RYR2: variants seen among roughly 807,000 people sequenced by gnomAD.
RYR2 encodes the protein ryanodine receptor 2.
A neutral mutation model predicts 601.1 loss-of-function variants in RYR2; 227 were observed. The ratio of observed to expected loss-of-function variants is 0.38; its 90% CI spans 0.34 to 0.42. RYR2 has a LOEUF of 0.42. RYR2 is among the 10% of genes least tolerant of loss of function. RYR2 has a pLI of 1.00. For synonymous variants in RYR2, 2,223 were observed against 2,175.1 expected, an observed-to-expected ratio of 1.02 and a Z score of -0.61; for missense variants, 4,646 against 6,156.5, an observed-to-expected ratio of 0.75 and a Z score of 8.21.
chr1:237,186,307 TTA>T (rs1679330466), intron 1 of RYR2, among the ~76,000 whole-genome samples: 1 of 152,154 alleles, frequency 6.6e-6, no homozygotes, highest in Non-Finnish European at 1.5e-5. Flanking sequence ...GGCGTGATGG[TTA>T]TGTTTGCCTC....
chr1:237,264,246 C>T (rs766271306), intron 1 of RYR2, among the ~76,000 whole-genome samples: 2 of 152,184 alleles, frequency 1.3e-5, no homozygotes, highest in Non-Finnish European at 2.9e-5. Context: ...TTCTACATCT[C>T]CTGATTCTTT....
intron 1 of RYR2, among the ~76,000 whole-genome samples, chr1:237,096,249 C>T (rs1667495113): frequency 6.6e-6 from 1 of 152,172 alleles, no homozygotes; most frequent in African/African-American, 2.4e-5. Context: ...AATTGCCAGT[C>T]TGGGAAATCT....
chr1:237,818,554 G>A (rs1157747748), intron 100 of RYR2, among the ~76,000 whole-genome samples: 1 of 151,898 alleles, frequency 6.6e-6, no homozygotes, highest in African/African-American at 2.4e-5. Context: ...AATAATTTCA[G>A]CATCATATTT....
At position 237,336,604 on chromosome 1, in the gene RYR2, C is replaced by G. The variant is rs200396847; in HGVS notation, c.273+5622C>G. On this transcript the variant is annotated intron_variant, in intron 3 of 104. Coordinates refer to ENST00000366574, the MANE Select transcript of RYR2 (RefSeq NM_001035.3). ...GGCACGGTGGCTCACGCCTGTAATC[C>G]CAGCACTTTGGGAGGCCGAGGTGGG... Among the ~76,000 whole-genome samples, 12 of 152,032 alleles carry G rather than the reference C, an allele frequency of 7.9e-5. No homozygotes were observed. In the East Asian group the frequency reaches 2.1e-3, roughly 27 times the overall value.
chr1:237,441,878 T>A (rs1185834548), intron 13 of RYR2, among the ~76,000 whole-genome samples: 1 of 135,516 alleles, frequency 7.4e-6, no homozygotes, highest in East Asian at 2.0e-4. Context: ...AAACACAATC[T>A]AAGGAGGGGG....
chr1:237,399,093 C>A (rs983986555), intron 10 of RYR2, among the ~76,000 whole-genome samples: 1 of 152,044 alleles, frequency 6.6e-6, no homozygotes, highest in Non-Finnish European at 1.5e-5. Flanking sequence ...TACACAGGAG[C>A]CTGAGGCAGT....
At position 237,511,863 on chromosome 1, in the gene RYR2, G is replaced by A. The variant is rs67622164; in HGVS notation, c.2822+72G>A. 0.38 allele frequency: 298,668 copies of A among 794,566 alleles called. 63,605 individuals carry two copies. Among genetic ancestry groups the A allele is most frequent in the East Asian group, 0.46 (14,673 of 32,204 alleles). The allele number at this position is 794,566 out of a possible 1,614,324, so 49.2% of individuals were successfully genotyped here. A position where few individuals can be genotyped will look rare whatever the true frequency, so the allele number is the denominator to read the frequency against. ...AAAAAAAAAAAAAAAAAAAAAACAG[G>A]TATTGATGCTATATGTTAATTGAGC... On this transcript the variant is annotated intron_variant, in intron 24 of 104. Coordinates refer to ENST00000366574, the MANE Select transcript of RYR2 (RefSeq NM_001035.3).
At chr1:237,825,630 C>T (rs1663005583) in intron 101 of RYR2, among the ~76,000 whole-genome samples, 1 of 152,096 alleles carries the variant, frequency 6.6e-6, no homozygotes, top group Admixed American at 6.6e-5. Context: ...ACTAAAACAC[C>T]AAAAGCAATG....
rs143837721 is a variant in RYR2, at chr1:237,422,138, C to T, written c.849-954C>T. Among the ~76,000 whole-genome samples the T allele has an allele frequency of 4.4e-3, 665 of 152,264 alleles. 1 individual carries two copies. Among genetic ancestry groups the T allele is most frequent in the Middle Eastern group, 0.014 (4 of 294 alleles). Reference sequence around the variant, plus strand: ...ACTCTGCACCTTAGCATGGTTAAAGCTCCTAAATACACAACCTTCAGTTAA... The same window carrying T: ...ACTCTGCACCTTAGCATGGTTAAAGTTCCTAAATACACAACCTTCAGTTAA... On this transcript the variant is annotated intron_variant, in intron 11 of 104. Transcript: ENST00000366574.
At chr1:237,697,998 G>A (rs1687641586) in intron 63 of RYR2, among the ~76,000 whole-genome samples, 3 of 151,762 alleles carry the variant, frequency 2.0e-5, no homozygotes, top group Admixed American at 6.6e-5. Context: ...TGTGTACTTA[G>A]GTCATTCATT....
intron 1 of RYR2, among the ~76,000 whole-genome samples, chr1:237,240,550 G>A (rs78516773): frequency 0.014 from 2,045 of 149,312 alleles, 53 homozygotes; most frequent in African/African-American, 0.047. Context: ...TAAAATGAGC[G>A]TGTTCTACTA....
intron 1 of RYR2, among the ~76,000 whole-genome samples, chr1:237,061,072 A>G (rs1662771419): frequency 6.6e-6 from 1 of 152,186 alleles, no homozygotes; most frequent in Non-Finnish European, 1.5e-5. Context: ...AGAGGGTTTC[A>G]TTGTGACTTT....
At chr1:237,826,358 CT>C in intron 101 of RYR2, among the ~76,000 whole-genome samples, 1 of 152,238 alleles carries the variant, frequency 6.6e-6, no homozygotes, top group East Asian at 1.9e-4. Flanking sequence ...ATTTCATGTC[CT>C]TTGCAGGGAC....
intron 1 of RYR2, among the ~76,000 whole-genome samples, chr1:237,267,158 T>C (rs1021574161): frequency 2.6e-5 from 4 of 152,224 alleles, no homozygotes; most frequent in Non-Finnish European, 4.4e-5. Flanking sequence ...ACAGGCTTAT[T>C]TTAATATTTG....
chr1:237,809,661 C>T, intron 100 of RYR2, among the ~76,000 whole-genome samples: 1 of 152,102 alleles, frequency 6.6e-6, no homozygotes, highest in Non-Finnish European at 1.5e-5. Flanking sequence ...GAGATGTATC[C>T]TTCAGTAAGC....
At chr1:237,312,728 T>A (rs1694701019) in intron 2 of RYR2, among the ~76,000 whole-genome samples, 2 of 152,230 alleles carry the variant, frequency 1.3e-5, no homozygotes, top group South Asian at 4.1e-4. Flanking sequence ...AGATTTGAAA[T>A]ATTTATTAGA....
Position 237,783,907 on chromosome 1 carries a change from TC to T in RYR2, c.12196del (p.Leu4066PhefsTer37). The T allele has an allele frequency of 6.2e-7, 1 of 1,613,634 alleles. No individual in the cohort carries two copies. Among genetic ancestry groups the T allele is most frequent in the Non-Finnish European group, 8.5e-7 (1 of 1,179,736 alleles). On this transcript the variant is annotated frameshift_variant, in exon 90 of 105. Transcript: ENST00000366574. LOFTEE classifies it high-confidence loss of function. ...ACTACACGCAGTCAGAAACGGAATT[TC>T]TTTTGTCTTGTGCGGAGACGGATGA... ...KHYTQSETEF[L>X]LSCAETDENE... is the part of the protein sequence containing the mutation.
At chr1:237,547,770 T>A (rs1172676206) in intron 25 of RYR2, among the ~76,000 whole-genome samples, 1 of 152,186 alleles carries the variant, frequency 6.6e-6, no homozygotes, top group African/African-American at 2.4e-5. Flanking sequence ...GATAATACCT[T>A]CTCTCTCCAG....
chr1:237,148,553 T>TATATATATACAC (rs71178397), intron 1 of RYR2, among the ~76,000 whole-genome samples: 62 of 105,652 alleles, frequency 5.9e-4, no homozygotes, highest in Middle Eastern at 5.0e-3. Flanking sequence ...TATATATATA[T>TATATATATACAC]ACACACACAC....
Sources: gnomAD v4.1 joint callset for allele counts (sites outside exome capture counted in the v4.1 genomes callset) on GRCh38, gnomAD v4.1.1 for gene constraint, MANE v1.5 for transcripts, NCBI Gene and HGNC (gene_info 2026-07-23, HGNC 2026-07-21) for gene names.